MAGI2: variants seen among roughly 807,000 people sequenced by gnomAD.
MAGI2 encodes the protein membrane-associated guanylate kinase, WW and PDZ domain-containing protein 2.
A neutral mutation model predicts 133.3 loss-of-function variants in MAGI2; 35 were observed. That is an observed-to-expected ratio of 0.26 (90% CI 0.20 to 0.35). MAGI2 has a LOEUF of 0.35. MAGI2 is among the 10% of genes least tolerant of loss of function. The pLI is 1.00. For missense variants in MAGI2, 1,636 were observed against 1,863.4 expected, an observed-to-expected ratio of 0.88 and a Z score of 2.25; for synonymous variants, 729 against 710.6, an observed-to-expected ratio of 1.03 and a Z score of -0.41.
chr7:78,818,021 C>A (rs1789762223), intron 2 of MAGI2, among the ~76,000 whole-genome samples: 1 of 152,154 alleles, frequency 6.6e-6, no homozygotes, highest in African/African-American at 2.4e-5. Context: ...GAACTGAACT[C>A]ATATTATCTC....
rs117919618 is a variant in MAGI2, at chr7:79,022,981, A to T, written c.302-15775T>A. The stretch of plus-strand genomic sequence containing the variant: ...AGGAGAAAAGATTCCTCCCTAACTC[A>T]TTCTATGAAGGCAGCATCATCCTGC... On this transcript the variant is annotated intron_variant, in intron 1 of 21. Transcript: ENST00000354212. Among the ~76,000 whole-genome samples, 591 of 152,298 alleles carry T rather than the reference A, an allele frequency of 3.9e-3. 2 individuals carry two copies. Among genetic ancestry groups the T allele is most frequent in the East Asian group, 7.5e-3 (39 of 5,168 alleles).
At chr7:78,698,941 G>A (rs771934198) in intron 2 of MAGI2, among the ~76,000 whole-genome samples, 22 of 152,168 alleles carry the variant, frequency 1.4e-4, no homozygotes, top group Non-Finnish European at 3.1e-4. Context: ...TGGGAACACA[G>A]CCAAACCATA....
At chr7:78,565,963 T>C (rs886475603) in intron 3 of MAGI2, among the ~76,000 whole-genome samples, 2 of 152,232 alleles carry the variant, frequency 1.3e-5, no homozygotes, top group South Asian at 2.1e-4. Flanking sequence ...TAGTCATCTG[T>C]AAAATGAGGA....
intron 2 of MAGI2, among the ~76,000 whole-genome samples, chr7:78,729,710 A>G (rs1000602123): frequency 3.9e-5 from 6 of 152,218 alleles, no homozygotes; most frequent in Non-Finnish European, 7.3e-5. Flanking sequence ...GTCAGATGCC[A>G]GTAAGTGTTT....
At chr7:79,194,122 ACAAGAT>A (rs1202903242) in intron 1 of MAGI2, among the ~76,000 whole-genome samples, 6 of 151,958 alleles carry the variant, frequency 3.9e-5, no homozygotes, top group Non-Finnish European at 8.8e-5. Context: ...TTTCTTACTG[ACAAGAT>A]AGGCCTCAAA....
Position 78,019,619 on chromosome 7 carries a change from G to C in MAGI2, c.4064C>G (p.Ala1355Gly), listed in dbSNP as rs1160972127. ...CGCCCGCGCCGCGTCCGCCGCGTCT[G>C]CCGCCGCGAGCCCGGGCGCCCTGGC... ...SEARAPGLAA[A>G]DAADAARAGG... The change falls in exon 22 of 22, where the codon GCA (alanine) becomes GGA (glycine). Residue 1355 changes from alanine (A) to glycine (G), a missense_variant. Around this residue, in one of 5 missense-constraint regions of MAGI2, gnomAD observed 354 missense variants for 298.7 expected, o/e 1.19. Transcript: ENST00000354212. The C allele has an allele frequency of 5.1e-6, 5 of 989,012 alleles. No individual in the cohort carries two copies. The highest frequency in any genetic ancestry group is 1.8e-5 in the African/African-American group (1 of 56,642). The allele number at this position is 989,012 out of a possible 1,614,324, so 61.3% of individuals were successfully genotyped here. A position where few individuals can be genotyped will look rare whatever the true frequency, so the allele number is the denominator to read the frequency against.
chr7:78,872,619 G>GTT (rs559035934), intron 2 of MAGI2, among the ~76,000 whole-genome samples: 6 of 143,762 alleles, frequency 4.2e-5, no homozygotes, highest in Non-Finnish European at 7.7e-5. Context: ...TCCTTACTGA[G>GTT]TTTTTTTTTT....
At chr7:78,437,544 T>C (rs1340339562) in intron 6 of MAGI2, among the ~76,000 whole-genome samples, 3 of 152,182 alleles carry the variant, frequency 2.0e-5, no homozygotes, top group African/African-American at 7.2e-5. Context: ...ATTCACCTTT[T>C]CATTCAGCCT....
chr7:78,594,005 A>G (rs781337793), intron 3 of MAGI2, among the ~76,000 whole-genome samples: 2 of 152,188 alleles, frequency 1.3e-5, no homozygotes, highest in Non-Finnish European at 2.9e-5. Context: ...GTGAGGGGGT[A>G]TTGAGAAAAT....
intron 3 of MAGI2, among the ~76,000 whole-genome samples, chr7:78,540,369 G>A (rs1336856309): frequency 2.0e-5 from 3 of 152,134 alleles, no homozygotes; most frequent in Admixed American, 2.0e-4. Context: ...GGAGAAAGCT[G>A]GCATTGACAG....
Position 79,050,799 on chromosome 7 carries a change from G to T in MAGI2, c.302-43593C>A, listed in dbSNP as rs1235783407. ...CCTGGCTGAAAGCCAACTTTCTTGT[G>T]TGCCTGACTCTGAATTCCTGCTTTT... On this transcript the variant is annotated intron_variant, in intron 1 of 21. Transcript: ENST00000354212. Among the ~76,000 whole-genome samples, 3 of 152,170 alleles carry T rather than the reference G, an allele frequency of 2.0e-5. No individual in the cohort carries two copies. The East Asian group carries it at 5.8e-4, about 29-fold the overall frequency.
At chr7:79,351,886 A>G (rs1841717928) in intron 1 of MAGI2, 1 of 152,216 alleles carries the variant, frequency 6.6e-6, no homozygotes, top group Admixed American at 6.5e-5. Context: ...TCACTGCTCC[A>G]GTGATTCAAA....
chr7:79,341,701 A>G (rs1180879500), intron 1 of MAGI2, among the ~76,000 whole-genome samples: 1 of 152,186 alleles, frequency 6.6e-6, no homozygotes, highest in Non-Finnish European at 1.5e-5. Context: ...TGGGGATCCT[A>G]TAACAAACTG....
chr7:78,236,350 T>C (rs1790539389), intron 10 of MAGI2, among the ~76,000 whole-genome samples: 2 of 151,972 alleles, frequency 1.3e-5, no homozygotes, highest in African/African-American at 4.8e-5. Flanking sequence ...GTTTTGTTCA[T>C]TTTTATACAC....
chr7:78,192,502 T>C (rs1828321483), intron 12 of MAGI2, among the ~76,000 whole-genome samples: 1 of 148,862 alleles, frequency 6.7e-6, no homozygotes, highest in Non-Finnish European at 1.5e-5. Flanking sequence ...AATGGAAACG[T>C]ACAGGAGGGC....
At chr7:78,242,210 C>T (rs2150909987) in intron 10 of MAGI2, among the ~76,000 whole-genome samples, 1 of 152,300 alleles carries the variant, frequency 6.6e-6, no homozygotes, top group Non-Finnish European at 1.5e-5. Context: ...TGGGCTGGCT[C>T]CTAAAGCCTC....
At chr7:79,101,762 G>C (rs993081895) in intron 1 of MAGI2, among the ~76,000 whole-genome samples, 1 of 150,484 alleles carries the variant, frequency 6.6e-6, no homozygotes, top group Non-Finnish European at 1.5e-5. Flanking sequence ...AAGGAAAATG[G>C]ACTAATGTTA....
Position 78,850,177 on chromosome 7 carries a change from T to C in MAGI2, c.418+156913A>G, listed in dbSNP as rs116215117. On this transcript the variant is annotated intron_variant, in intron 2 of 21. Coordinates refer to ENST00000354212, the MANE Select transcript of MAGI2 (RefSeq NM_012301.4). ...AATAACAGAACTAGCATTACTTGAG[T>C]TTTTAGGTGCTGTTTTACAAATGAT... Among the ~76,000 whole-genome samples, 323 of 151,940 alleles carry C rather than the reference T, an allele frequency of 2.1e-3. 3 individuals carry two copies. The highest frequency in any genetic ancestry group is 7.5e-3 in the African/African-American group (311 of 41,486).
At chr7:78,385,173 G>C (rs1008162847) in intron 6 of MAGI2, among the ~76,000 whole-genome samples, 1 of 152,146 alleles carries the variant, frequency 6.6e-6, no homozygotes, top group Admixed American at 6.6e-5. Context: ...GTAATCCACA[G>C]ACATTTTAAA....
Sources: gnomAD v4.1 joint callset for allele counts (sites outside exome capture counted in the v4.1 genomes callset) on GRCh38, gnomAD v4.1.1 for gene constraint, gnomAD v4.1.1 regional missense constraint, MANE v1.5 for transcripts, NCBI Gene and HGNC (gene_info 2026-07-23, HGNC 2026-07-21) for gene names.